Variants in RADX observed in about 807,000 individuals in gnomAD.
The protein encoded by RADX is RPA1 related single stranded DNA binding protein, X-linked.
RADX carries 36 observed loss-of-function variants against 61.6 expected under a neutral mutation model. The ratio of observed to expected loss-of-function variants is 0.58; its 90% confidence interval spans 0.45 to 0.77. RADX has a LOEUF of 0.77. Ranked by LOEUF, RADX falls within the 30% of genes least tolerant of loss-of-function variation. The probability of loss-of-function intolerance (pLI) is 0.00; values close to 1 mark genes in which losing one functional copy is unlikely to be tolerated. For missense variants in RADX, 497 were observed against 651.1 expected, an observed-to-expected ratio of 0.76 and a Z score of 2.58; for synonymous variants, 272 against 237.9, an observed-to-expected ratio of 1.14 and a Z score of -1.32.
At chrX:106,657,266 T>C (rs1230976245) in intron 11 of RADX, among the ~76,000 whole-genome samples, 1 of 112,169 alleles carries the variant, frequency 8.9e-6, no homozygotes, top group Non-Finnish European at 1.9e-5. Flanking sequence ...TTAGCCTTCA[T>C]AGAATTGAAG....
intron 10 of RADX, among the ~76,000 whole-genome samples, chrX:106,646,439 A>G (rs986389408): frequency 9.0e-6 from 1 of 111,460 alleles, no homozygotes; most frequent in Non-Finnish European, 1.9e-5. Flanking sequence ...TAGCAGATGT[A>G]ACTGATAAAG....
chrX:106,630,274 G>A (rs771785694), intron 3 of RADX, among the ~76,000 whole-genome samples: 36 of 109,511 alleles, frequency 3.3e-4, no homozygotes, highest in Non-Finnish European at 5.9e-4. Context: ...TCAATGAGCC[G>A]TGATTGCACC....
intron 13 of RADX, among the ~76,000 whole-genome samples, chrX:106,674,949 G>A (rs1433832316): frequency 3.2e-4 from 34 of 106,690 alleles, no homozygotes; most frequent in Admixed American, 2.9e-3. Flanking sequence ...GCTTGAACCC[G>A]GGAGGTGGAG....
chrX:106,635,634 G>C (rs1927340793), intron 6 of RADX, among the ~76,000 whole-genome samples: 2 of 111,780 alleles, frequency 1.8e-5, no homozygotes, highest in South Asian at 7.4e-4. Flanking sequence ...AAAGAACTTA[G>C]TAAATATGAG....
chrX:106,653,504 GTTTTATTTTATTTTATTTTA>G (rs60789629), intron 11 of RADX, among the ~76,000 whole-genome samples: 10,801 of 102,390 alleles, frequency 0.11, 1,516 homozygotes, highest in African/African-American at 0.37. Flanking sequence ...ATGGGATTAT[GTTTTATTTTATTTTATTTTA>G]TTTTATTTTA....
At position 106,639,636 on chromosome X, in the gene RADX, T is replaced by C; in HGVS notation, c.1683T>C (p.Tyr561=). The C allele has an allele frequency of 8.3e-7, 1 of 1,204,943 alleles. No individual in the cohort carries two copies. The highest frequency in any genetic ancestry group is 1.7e-5 in the African/African-American group (1 of 57,297). Residue 561 remains tyrosine (Y), a synonymous_variant, in exon 9 of 14, where the codon TAT becomes TAC. Transcript: ENST00000372548. ...AGGGGATAATTACTGCTATAAAGTA[T>C]ATCCCCCATAGCAGTGCGACTGAAA... ...AIQGIITAIK[Y]IPHSSATESA...
intron 13 of RADX, among the ~76,000 whole-genome samples, chrX:106,670,711 A>G (rs1928342779): frequency 9.1e-6 from 1 of 110,309 alleles, no homozygotes; most frequent in South Asian, 3.8e-4. Context: ...GGCATTTTAT[A>G]TGGTACAGCT....
chrX:106,663,961 A>C (rs1369036982), intron 12 of RADX, among the ~76,000 whole-genome samples: 1 of 111,971 alleles, frequency 8.9e-6, no homozygotes, highest in Non-Finnish European at 1.9e-5. Flanking sequence ...AATGTGAAGA[A>C]GGAAATTTCA....
intron 3 of RADX, among the ~76,000 whole-genome samples, chrX:106,629,403 G>A (rs746333439): frequency 2.7e-5 from 3 of 111,862 alleles, no homozygotes; most frequent in Non-Finnish European, 3.8e-5. Flanking sequence ...CACATGACTA[G>A]TAATAGGCAG....
chrX:106,650,523 C>T (rs1430283981), intron 11 of RADX, among the ~76,000 whole-genome samples: 3 of 110,448 alleles, frequency 2.7e-5, no homozygotes, highest in Non-Finnish European at 5.7e-5. Context: ...AGAATTTATA[C>T]CCCAGGAACT....
At chrX:106,646,693 G>A (rs1927667099) in intron 10 of RADX, among the ~76,000 whole-genome samples, 1 of 110,907 alleles carries the variant, frequency 9.0e-6, no homozygotes, top group Non-Finnish European at 1.9e-5. Context: ...ACATAGGATT[G>A]TTCCAGGCAG....
chrX:106,612,420 T>C lies in RADX; in HGVS notation c.340T>C (p.Leu114=). 8.3e-7 allele frequency: 1 copy of C among 1,211,666 alleles called. No individual in the cohort carries two copies. The highest frequency in any genetic ancestry group is 1.1e-6 in the Non-Finnish European group (1 of 895,409). The part of the protein sequence containing the change: ...YQEKCYLDPS[L]NSLVYQNILK... ...GGAGAAGTGCTACCTGGACCCCAGC[T>C]TGAACTCTCTCGTATATCAAAATAT... The change falls in exon 1 of 14, where the codon TTG becomes CTG. Residue 114 remains leucine (L), a synonymous_variant. Transcript: ENST00000372548.
intron 3 of RADX, among the ~76,000 whole-genome samples, chrX:106,626,361 A>G (rs1220616287): frequency 8.9e-6 from 1 of 112,042 alleles, no homozygotes; most frequent in East Asian, 2.8e-4. Flanking sequence ...ATTATTTATT[A>G]AAATCTTAAG....
chrX:106,653,878 A>G (rs373120116), intron 11 of RADX, among the ~76,000 whole-genome samples: 3 of 111,326 alleles, frequency 2.7e-5, no homozygotes, highest in South Asian at 3.8e-4. Flanking sequence ...ATCCTTTTTT[A>G]TGGCTGCATA....
intron 8 of RADX, 174 bp from the exon 9 acceptor site, chrX:106,639,353 G>A (rs1003572863): frequency 2.7e-6 from 1 of 370,929 alleles, no homozygotes; most frequent in Admixed American, 5.4e-5. Context: ...ACTGATAAAA[G>A]TATTTTGCCT....
chrX:106,661,829 G>C (rs1304006324), intron 11 of RADX, among the ~76,000 whole-genome samples, 186 bp from the exon 12 acceptor site: 1 of 111,612 alleles, frequency 9.0e-6, no homozygotes, highest in African/African-American at 3.2e-5. Context: ...TTTTGAAAGT[G>C]AATTTAGTTC....
intron 10 of RADX, among the ~76,000 whole-genome samples, chrX:106,645,308 G>C (rs189510154): frequency 1.8e-5 from 2 of 110,053 alleles, no homozygotes; most frequent in African/African-American, 6.6e-5. Flanking sequence ...GGTTTGTTTT[G>C]CTCTTGCCTT....
chrX:106,678,103 C>T (rs375110779), intron 13 of RADX, 25 bp from the exon 14 acceptor site: 2 of 1,094,850 alleles, frequency 1.8e-6, no homozygotes, highest in African/African-American at 1.8e-5. Flanking sequence ...TTTTACAGTA[C>T]TTACCATCTG....
intron 1 of RADX, 57 bp downstream of exon 1, chrX:106,612,780 G>C (rs374402198): frequency 9.4e-7 from 1 of 1,063,485 alleles, no homozygotes; most frequent in African/African-American, 1.9e-5. Flanking sequence ...TCAGGAGCTT[G>C]CGTGAACGGG....
Sources: allele counts gnomAD v4.1 joint callset (sites outside exome capture counted in the v4.1 genomes callset), GRCh38; gene constraint gnomAD v4.1.1; transcripts MANE v1.5; gene names NCBI Gene and HGNC (gene_info 2026-07-23, HGNC 2026-07-21).